Variants in CNTNAP4 observed in about 807,000 individuals in gnomAD.
The protein encoded by CNTNAP4 is contactin-associated protein-like 4.
CNTNAP4 carries 98 observed loss-of-function variants against 148.4 expected under a neutral mutation model. The ratio of observed to expected loss-of-function variants is 0.66; its 90% confidence interval spans 0.56 to 0.78. The LOEUF is 0.78. CNTNAP4 is among the 30% of genes least tolerant of loss of function. The pLI is 0.00. For missense variants in CNTNAP4, 1,935 were observed against 1,565.6 expected, an observed-to-expected ratio of 1.24 and a Z score of -3.98; for synonymous variants, 730 against 565.1, an observed-to-expected ratio of 1.29 and a Z score of -4.14.
At chr16:76,377,723 C>A (rs2015560930) in intron 3 of CNTNAP4, among the ~76,000 whole-genome samples, 1 of 152,046 alleles carries the variant, frequency 6.6e-6, no homozygotes, top group Non-Finnish European at 1.5e-5. Context: ...TGTTTTCTCT[C>A]CCTCATTTTT....
chr16:76,516,017 T>C (rs58540877), intron 15 of CNTNAP4, among the ~76,000 whole-genome samples: 3,644 of 152,298 alleles, frequency 0.024, 155 homozygotes, highest in African/African-American at 0.084. Flanking sequence ...AGGCGTTGGC[T>C]GCACCTATCA....
chr16:76,408,880 C>G (rs2078697500), intron 3 of CNTNAP4, among the ~76,000 whole-genome samples: 1 of 151,996 alleles, frequency 6.6e-6, no homozygotes, highest in Non-Finnish European at 1.5e-5. Flanking sequence ...CCACTATCTG[C>G]CACTCAATCA....
At position 76,375,819 on chromosome 16, in the gene CNTNAP4, G is replaced by A. The variant is rs75287326; in HGVS notation, c.390+20308G>A. 7.1e-3 allele frequency among the ~76,000 whole-genome samples: 1,077 copies of A among 152,290 alleles called. 14 individuals are homozygous for A. The highest frequency in any genetic ancestry group is 0.025 in the African/African-American group (1,026 of 41,560). ...TGAATAGTCGGATTGTCAGTTCAAG[G>A]TCAGTGCTGGAGCCACAGCACTAAA... is the stretch of plus-strand genomic sequence containing the variant. On this transcript the variant is annotated intron_variant, in intron 3 of 23. Coordinates refer to ENST00000611870, the MANE Select transcript of CNTNAP4 (RefSeq NM_033401.5).
intron 3 of CNTNAP4, among the ~76,000 whole-genome samples, chr16:76,369,049 TAA>T (rs369958068): frequency 6.9e-6 from 1 of 144,492 alleles, no homozygotes; most frequent in Non-Finnish European, 1.5e-5. Context: ...GTTTTTTGGT[TAA>T]AAAAAAAAGA....
intron 4 of CNTNAP4, among the ~76,000 whole-genome samples, chr16:76,444,873 G>A (rs917110899): frequency 6.6e-6 from 1 of 151,966 alleles, no homozygotes; most frequent in African/African-American, 2.4e-5. Flanking sequence ...TCTCTGAAGG[G>A]TATTGTTTAC....
At chr16:76,335,882 C>G (rs982678527) in intron 2 of CNTNAP4, among the ~76,000 whole-genome samples, 7 of 152,054 alleles carry the variant, frequency 4.6e-5, no homozygotes, top group African/African-American at 1.7e-4. Context: ...ATGTCATGAC[C>G]AAGTACATCC....
At chr16:76,342,870 A>G (rs982315627) in intron 2 of CNTNAP4, among the ~76,000 whole-genome samples, 2 of 152,202 alleles carry the variant, frequency 1.3e-5, no homozygotes, top group African/African-American at 2.4e-5. Flanking sequence ...AACAACTGCA[A>G]CGTAATTCAT....
At chr16:76,411,935 T>C (rs1486462286) in intron 3 of CNTNAP4, among the ~76,000 whole-genome samples, 1 of 151,486 alleles carries the variant, frequency 6.6e-6, no homozygotes, top group Non-Finnish European at 1.5e-5. Context: ...ATTGTAACTT[T>C]CATGCCCTTA....
intron 15 of CNTNAP4, among the ~76,000 whole-genome samples, chr16:76,519,471 T>G (rs1031059055): frequency 2.0e-5 from 3 of 152,204 alleles, no homozygotes; most frequent in Admixed American, 6.5e-5. Context: ...ATTATGAATG[T>G]TCCTCTTTCT....
chr16:76,443,840 G>A (rs1282264915), intron 4 of CNTNAP4, among the ~76,000 whole-genome samples: 4 of 151,990 alleles, frequency 2.6e-5, no homozygotes, highest in Non-Finnish European at 4.4e-5. Flanking sequence ...GCTTTTTTAA[G>A]AGCTCAAATA....
chr16:76,538,357 T>G lies in CNTNAP4; in HGVS notation c.3220+17T>G. Reference sequence around the variant, plus strand: ...CCAAAAATGGTGAGTTCTTTTTAGATGAGAGAGAGAAAATTAAATTAGAAC... The same window carrying G: ...CCAAAAATGGTGAGTTCTTTTTAGAGGAGAGAGAGAAAATTAAATTAGAAC... On this transcript the variant is annotated intron_variant, in intron 19 of 23. Transcript: ENST00000611870. The G allele has an allele frequency of 6.5e-7, 1 of 1,548,992 alleles. No homozygotes were observed. The highest frequency in any genetic ancestry group is 2.3e-5 in the East Asian group (1 of 44,076).
chr16:76,442,388 A>T (rs2080079388), intron 4 of CNTNAP4, among the ~76,000 whole-genome samples: 1 of 152,200 alleles, frequency 6.6e-6, no homozygotes, highest in Non-Finnish European at 1.5e-5. Flanking sequence ...GTTTGTGGTT[A>T]TTTGTTTTAC....
chr16:76,354,583 G>A (rs967705042), intron 2 of CNTNAP4, among the ~76,000 whole-genome samples: 5 of 152,076 alleles, frequency 3.3e-5, no homozygotes, highest in Non-Finnish European at 4.4e-5. Context: ...TGCAGTTTCC[G>A]TGGTTTAAAT....
intron 3 of CNTNAP4, among the ~76,000 whole-genome samples, chr16:76,421,603 T>G (rs1474143586): frequency 6.6e-6 from 1 of 152,150 alleles, no homozygotes; most frequent in African/African-American, 2.4e-5. Flanking sequence ...GCACATTTAG[T>G]AAAGATTTAT....
At chr16:76,288,069 G>C (rs1958959085) in intron 1 of CNTNAP4, among the ~76,000 whole-genome samples, 1 of 151,998 alleles carries the variant, frequency 6.6e-6, no homozygotes, top group Non-Finnish European at 1.5e-5. Flanking sequence ...CACGTGTCAA[G>C]GACAGGACCA....
chr16:76,460,986 G>A (rs1011452431), intron 8 of CNTNAP4, among the ~76,000 whole-genome samples: 2 of 151,392 alleles, frequency 1.3e-5, no homozygotes, highest in Non-Finnish European at 2.9e-5. Flanking sequence ...TTTTATGTGT[G>A]TTTCTGTTTA....
chr16:76,535,154 C>G (rs144650312), intron 17 of CNTNAP4, among the ~76,000 whole-genome samples: 6 of 152,240 alleles, frequency 3.9e-5, no homozygotes, highest in East Asian at 1.9e-4. Context: ...GTACCAGAAT[C>G]AAGATCAGGT....
chr16:76,504,394 A>G (rs1041775804), intron 15 of CNTNAP4, among the ~76,000 whole-genome samples: 6 of 150,528 alleles, frequency 4.0e-5, no homozygotes, highest in Middle Eastern at 3.4e-3. Flanking sequence ...TTCGAATCCA[A>G]TTGAAAAAGA....
intron 22 of CNTNAP4, 44 bp downstream of exon 22, chr16:76,553,545 T>C: frequency 7.2e-7 from 1 of 1,393,958 alleles, no homozygotes; most frequent in South Asian, 1.3e-5. Flanking sequence ...ACGTAGCTTG[T>C]CCATGGAATT....
Sources: allele counts gnomAD v4.1 joint callset (sites outside exome capture counted in the v4.1 genomes callset), GRCh38; gene constraint gnomAD v4.1.1; transcripts MANE v1.5; gene names NCBI Gene and HGNC (gene_info 2026-07-23, HGNC 2026-07-21).